The following GOLGA4 variants were observed in gnomAD, a reference collection of about 807,000 sequenced individuals.
GOLGA4 encodes golgin A4, also known as golgin subfamily A member 4.
In GOLGA4, 169 loss-of-function variants were observed where a neutral mutation model predicts 265.9. That is an observed-to-expected ratio of 0.64 (90% CI 0.56 to 0.72). The LOEUF (loss-of-function observed/expected upper bound fraction) is 0.72, where lower values mean the gene tolerates loss of function less well. Ranked by LOEUF, GOLGA4 falls within the 30% of genes least tolerant of loss-of-function variation. The pLI, the probability that GOLGA4 is intolerant of heterozygous loss-of-function variation, is 0.00. For missense variants in GOLGA4, 2,482 were observed against 2,483.4 expected (o/e 1.00, Z 0.01); for synonymous variants, 923 against 855.8 (o/e 1.08, Z -1.37).
At chr3:37,330,794 A>G (rs988059540) in intron 16 of GOLGA4, among the ~76,000 whole-genome samples, 3 of 152,110 alleles carry the variant, frequency 2.0e-5, no homozygotes, top group African/African-American at 7.2e-5. Context: ...TTGGGAGGCC[A>G]AGGCGGGTGG....
In GOLGA4 at chr3:37,323,789, A is replaced by G; in HGVS notation, c.1903A>G (p.Lys635Glu). 1 of 1,609,588 alleles carries G rather than the reference A, an allele frequency of 6.2e-7. No individual in the cohort carries two copies. Among genetic ancestry groups the G allele is most frequent in the South Asian group, 1.1e-5 (1 of 89,502 alleles). ...TTGGACTGAAAAACTCCAAGTCTTA[A>G]AGCAACAATATCAGACTGAAATGGA... ...ALWTEKLQVLKQQYQTEMEKL... is the reference protein window; with the variant it reads ...ALWTEKLQVLEQQYQTEMEKL... Residue 635 changes from lysine to glutamate, a missense_variant, in exon 14 of 24, where the codon AAG (lysine) becomes GAG (glutamate). Around this residue, in one of 3 missense-constraint regions of GOLGA4, gnomAD observed 1,536 missense variants for 1,483.7 expected, o/e 1.04. Transcript: ENST00000361924.
chr3:37,276,331 G>C, intron 2 of GOLGA4: 1 of 1,606,070 alleles, frequency 6.2e-7, no homozygotes, highest in Non-Finnish European at 8.5e-7. Flanking sequence ...TCCTCTGTGG[G>C]AATATTCCTC....
Position 37,337,136 on chromosome 3 carries a change from T to C in GOLGA4, c.6307-7T>C. 6.9e-7 allele frequency: 1 copy of C among 1,456,708 alleles called. No individual in the cohort carries two copies. The highest frequency in any genetic ancestry group is 9.5e-7 in the Non-Finnish European group (1 of 1,049,084). 90.2% of individuals were successfully genotyped at this position (1,456,708 alleles called of 1,614,324 possible). The stretch of plus-strand genomic sequence containing the variant: ...TACACTCATGTTTTTTCTTTCCATT[T>C]TTTCAGGTAACAATTATGGAGCTAC... On this transcript the variant is annotated splice_polypyrimidine_tract_variant and splice_region_variant and intron_variant, in intron 17 of 23. Coordinates refer to ENST00000361924, the MANE Select transcript of GOLGA4 (RefSeq NM_002078.5).
rs2096969212 is a variant in GOLGA4 at position 37,325,951 on chromosome 3, C to T, written c.4065C>T (p.Val1355=). ...KKELSENINA[V]TLMKEELKEK... ...AGTTATCTGAAAACATCAATGCTGT[C>T]ACATTGATGAAAGAAGAGCTTAAAG... is the stretch of plus-strand genomic sequence containing the variant. The change falls in exon 14 of 24, where the codon GTC becomes GTT. Residue 1355 remains valine (V), a synonymous_variant. Transcript: ENST00000361924. 1 of 1,601,728 alleles carries T rather than the reference C, an allele frequency of 6.2e-7. No homozygotes were observed. The highest frequency in any genetic ancestry group is 1.3e-5 in the African/African-American group (1 of 74,698).
At chr3:37,295,299 A>G (rs1415767802) in intron 6 of GOLGA4, among the ~76,000 whole-genome samples, 1 of 152,134 alleles carries the variant, frequency 6.6e-6, no homozygotes, top group South Asian at 2.1e-4. Flanking sequence ...CTTAACTGCA[A>G]TCTCAAATTC....
intron 4 of GOLGA4, among the ~76,000 whole-genome samples, chr3:37,286,607 A>G (rs2096850158): frequency 6.6e-6 from 1 of 152,164 alleles, no homozygotes; most frequent in Admixed American, 6.5e-5. Flanking sequence ...CTTGAGTTAC[A>G]GATCTCGGTA....
At chr3:37,322,094 A>G (rs536436141) in intron 13 of GOLGA4, among the ~76,000 whole-genome samples, 18 of 152,236 alleles carry the variant, frequency 1.2e-4, no homozygotes. Flanking sequence ...TTCTGCCTTT[A>G]GCTGGCTGTA....
intron 1 of GOLGA4, among the ~76,000 whole-genome samples, chr3:37,245,846 G>C (rs1157862079): frequency 6.6e-6 from 1 of 152,056 alleles, no homozygotes; most frequent in African/African-American, 2.4e-5. Flanking sequence ...TTACAGGTGT[G>C]AGCCACTGCG....
intron 2 of GOLGA4, among the ~76,000 whole-genome samples, chr3:37,274,907 G>T (rs2150734663): frequency 6.6e-6 from 1 of 151,840 alleles, no homozygotes; most frequent in East Asian, 2.0e-4. Flanking sequence ...AAAACATTCG[G>T]AAGTATTGTC....
chr3:37,299,726 CAG>C (rs1298123751), intron 9 of GOLGA4, among the ~76,000 whole-genome samples: 2 of 152,028 alleles, frequency 1.3e-5, no homozygotes, highest in African/African-American at 4.8e-5. Context: ...AATATGGAAA[CAG>C]ATTAATCTCT....
intron 22 of GOLGA4, 116 bp from the exon 23 acceptor site, chr3:37,361,127 G>A: frequency 3.8e-6 from 3 of 793,888 alleles, no homozygotes; most frequent in Non-Finnish European, 6.6e-6. Context: ...GGGGAGATTT[G>A]AGAAAAATTT....
intron 2 of GOLGA4, among the ~76,000 whole-genome samples, chr3:37,257,884 CATATATATACATAT>C (rs1430973485): frequency 8.3e-6 from 1 of 120,324 alleles, no homozygotes; most frequent in Non-Finnish European, 1.6e-5. Context: ...GGTGTGTTTT[CATATATATACATAT>C]ATATATATAT....
At chr3:37,297,254 A>G (rs558450008) in intron 7 of GOLGA4, among the ~76,000 whole-genome samples, 220 of 152,346 alleles carry the variant, frequency 1.4e-3, no homozygotes, top group African/African-American at 4.5e-3. Context: ...GGGACTTATG[A>G]TAAACTTGGA....
chr3:37,364,997 G>A (rs1364150034), intron 23 of GOLGA4, among the ~76,000 whole-genome samples: 2 of 152,096 alleles, frequency 1.3e-5, no homozygotes, highest in Admixed American at 1.3e-4. Context: ...CCAGGCTCAA[G>A]CGATCCTCCT....
chr3:37,319,226 G>A (rs761240195), intron 12 of GOLGA4, 32 bp downstream of exon 12: 5 of 1,545,374 alleles, frequency 3.2e-6, no homozygotes, highest in Non-Finnish European at 4.4e-6. Flanking sequence ...TCTGCTATAG[G>A]TATACTTCTC....
At chr3:37,311,687 A>G (rs1381799402) in intron 10 of GOLGA4, among the ~76,000 whole-genome samples, 1 of 152,310 alleles carries the variant, frequency 6.6e-6, no homozygotes, top group East Asian at 1.9e-4. Flanking sequence ...TGGTACTGGA[A>G]AGTGGGAGAG....
chr3:37,365,105 C>T (rs2151104078), intron 23 of GOLGA4, among the ~76,000 whole-genome samples: 1 of 152,240 alleles, frequency 6.6e-6, no homozygotes, highest in South Asian at 2.1e-4. Context: ...CTATGTTGCC[C>T]AGGCTGTTTT....
intron 5 of GOLGA4, among the ~76,000 whole-genome samples, chr3:37,291,683 G>A (rs2096865067): frequency 1.3e-5 from 2 of 152,136 alleles, no homozygotes; most frequent in Non-Finnish European, 2.9e-5. Context: ...TCTGGATGCT[G>A]CCAATTAGAT....
At chr3:37,251,554 C>A in intron 2 of GOLGA4, 70 bp downstream of exon 2, 2 of 933,196 alleles carry the variant, frequency 2.1e-6, no homozygotes, top group East Asian at 2.6e-5. Flanking sequence ...CTGTTGATAA[C>A]AAAATGGGAA....
Sources: gnomAD v4.1 joint callset for allele counts (sites outside exome capture counted in the v4.1 genomes callset) on GRCh38, gnomAD v4.1.1 for gene constraint, gnomAD v4.1.1 regional missense constraint, MANE v1.5 for transcripts, NCBI Gene and HGNC (gene_info 2026-07-23, HGNC 2026-07-21) for gene names.